Variants in OPCML observed in about 807,000 individuals in gnomAD.
OPCML encodes the protein opioid-binding protein/cell adhesion molecule.
Under a neutral mutation model 37.8 loss-of-function variants are expected in OPCML, and 13 were observed. The observed-to-expected ratio is 0.34, with a 90% CI of 0.22 to 0.55. The LOEUF (loss-of-function observed/expected upper bound fraction) is 0.55. Ranked by LOEUF, OPCML falls within the 20% of genes least tolerant of loss-of-function variation. The probability of loss-of-function intolerance (pLI) is 0.91; values close to 1 mark genes in which losing one functional copy is unlikely to be tolerated. For synonymous variants in OPCML, 176 were observed against 168.8 expected (o/e 1.04, Z -0.33); for missense variants, 341 against 435.6 (o/e 0.78, Z 1.93).
chr11:132,698,023 T>C (rs1943663945), intron 2 of OPCML, among the ~76,000 whole-genome samples: 1 of 110,372 alleles, frequency 9.1e-6, no homozygotes, highest in Non-Finnish European at 1.9e-5. Context: ...TATTTATTTA[T>C]TTATTGTAGA....
chr11:132,818,429 C>G (rs914490909), intron 2 of OPCML, among the ~76,000 whole-genome samples: 10 of 151,914 alleles, frequency 6.6e-5, no homozygotes, highest in Middle Eastern at 3.4e-3. Context: ...AAAAGACTCA[C>G]GATCTAGCGC....
In OPCML at chr11:133,458,255, T is replaced by C. The variant is rs1465429407; in HGVS notation, c.61+74009A>G. 7.7e-4 allele frequency among the ~76,000 whole-genome samples: 64 copies of C among 83,000 alleles called. 4 individuals are homozygous for C. The highest frequency in any genetic ancestry group is 2.7e-3 in the African/African-American group (27 of 9,864). The allele number at this position is 83,000 out of a possible 152,430, so 54.5% of individuals were successfully genotyped here. A position where few individuals can be genotyped will look rare whatever the true frequency, so the allele number is the denominator to read the frequency against. The stretch of plus-strand genomic sequence containing the variant: ...GTGTGTGTATATATACACATATATA[T>C]ACACGTGTGTGTATATATACACACA... On this transcript the variant is annotated intron_variant, in intron 1 of 7. Coordinates refer to ENST00000524381, the MANE Select transcript of OPCML (RefSeq NM_001012393.5).
chr11:132,527,648 T>C (rs1466957934), intron 4 of OPCML, among the ~76,000 whole-genome samples: 1 of 152,208 alleles, frequency 6.6e-6, no homozygotes, highest in Admixed American at 6.5e-5. Flanking sequence ...AAGAAATGTT[T>C]TTATCCAGTC....
chr11:132,727,916 T>C (rs370086152), intron 2 of OPCML, among the ~76,000 whole-genome samples: 2 of 152,296 alleles, frequency 1.3e-5, no homozygotes, highest in East Asian at 3.9e-4. Context: ...TGCACGCAGC[T>C]CTGGGCTTCC....
intron 1 of OPCML, among the ~76,000 whole-genome samples, chr11:133,520,716 T>A (rs1041395093): frequency 6.6e-6 from 1 of 152,148 alleles, no homozygotes; most frequent in Non-Finnish European, 1.5e-5. Flanking sequence ...GAGGCAGGCA[T>A]TATCAGCCAG....
chr11:133,442,335 A>G (rs541846661), intron 1 of OPCML, among the ~76,000 whole-genome samples: 3 of 152,310 alleles, frequency 2.0e-5, no homozygotes, highest in African/African-American at 7.2e-5. Flanking sequence ...ATTCTCAAAT[A>G]TTCTTGGTGG....
intron 1 of OPCML, among the ~76,000 whole-genome samples, chr11:133,015,507 AT>A (rs1947315986): frequency 6.6e-6 from 1 of 151,708 alleles, no homozygotes; most frequent in South Asian, 2.1e-4. Context: ...AAAGAAAGTC[AT>A]TGCACATAAC....
chr11:133,251,208 G>A (rs915169821), intron 1 of OPCML, among the ~76,000 whole-genome samples: 2 of 152,086 alleles, frequency 1.3e-5, no homozygotes, highest in Non-Finnish European at 2.9e-5. Flanking sequence ...ACGACAGTGG[G>A]CTACAACAGA....
intron 1 of OPCML, among the ~76,000 whole-genome samples, chr11:133,497,866 C>T (rs985329366): frequency 4.6e-5 from 7 of 152,318 alleles, no homozygotes; most frequent in Non-Finnish European, 8.8e-5. Flanking sequence ...CCTGGGTCAC[C>T]TCTGAGTCCC....
At chr11:133,530,065 C>A (rs780823575) in intron 1 of OPCML, among the ~76,000 whole-genome samples, 15 of 152,232 alleles carry the variant, frequency 9.9e-5, no homozygotes, top group Non-Finnish European at 1.6e-4. Context: ...GATGTCCACA[C>A]CCTGCTCTCC....
At chr11:132,729,759 C>T (rs757503150) in intron 2 of OPCML, among the ~76,000 whole-genome samples, 3 of 152,172 alleles carry the variant, frequency 2.0e-5, no homozygotes, top group Non-Finnish European at 4.4e-5. Context: ...CAGAAAACAT[C>T]AGACCGCCTT....
intron 3 of OPCML, among the ~76,000 whole-genome samples, chr11:132,637,080 A>C (rs1428506952): frequency 6.6e-6 from 1 of 152,116 alleles, no homozygotes; most frequent in Non-Finnish European, 1.5e-5. Flanking sequence ...GGTCAGGCGC[A>C]TACTACCTAT....
At chr11:133,516,620 C>T (rs1255471495) in intron 1 of OPCML, among the ~76,000 whole-genome samples, 1 of 152,152 alleles carries the variant, frequency 6.6e-6, no homozygotes, top group African/African-American at 2.4e-5. Context: ...GGCAAGGGTG[C>T]TTTCCAGCCT....
In OPCML at chr11:133,205,880, A is replaced by G. The variant is rs1269855551; in HGVS notation, c.62-262870T>C. ...GGGTCAGGTCTTCCTAAGATGTCAG[A>G]GTGCAATGGCAAAGTGGGGGCCAGG... On this transcript the variant is annotated intron_variant, in intron 1 of 7. Transcript: ENST00000524381. This position sits in a 1 kb window ranked among gnomAD's most constrained non-coding sequence, Gnocchi z 4.8. Among the ~76,000 whole-genome samples, 1 of 152,130 alleles carries G rather than the reference A, an allele frequency of 6.6e-6. No homozygotes were observed. Among genetic ancestry groups the G allele is most frequent in the Non-Finnish European group, 1.5e-5 (1 of 68,026 alleles).
intron 4 of OPCML, among the ~76,000 whole-genome samples, chr11:132,471,282 C>A (rs187306279): frequency 2.0e-5 from 3 of 152,282 alleles, no homozygotes; most frequent in African/African-American, 7.2e-5. Flanking sequence ...GATGGTGGGG[C>A]ACAGCCTTCT....
chr11:132,494,422 T>A (rs1183073869), intron 4 of OPCML, among the ~76,000 whole-genome samples: 1 of 152,166 alleles, frequency 6.6e-6, no homozygotes, highest in South Asian at 2.1e-4. Flanking sequence ...ACTGACCTAG[T>A]GTATTTATTT....
intron 2 of OPCML, among the ~76,000 whole-genome samples, chr11:132,883,661 G>T (rs978102860): frequency 6.6e-6 from 1 of 152,192 alleles, no homozygotes; most frequent in African/African-American, 2.4e-5. Flanking sequence ...GCAGGAAGAT[G>T]AGAGGCGATG....
intron 1 of OPCML, among the ~76,000 whole-genome samples, chr11:133,443,255 G>A (rs912380451): frequency 6.6e-6 from 1 of 152,176 alleles, no homozygotes; most frequent in African/African-American, 2.4e-5. Flanking sequence ...TCTTTTATAG[G>A]AAAGCTTCAC....
At chr11:132,699,675 C>A (rs1943733395) in intron 2 of OPCML, among the ~76,000 whole-genome samples, 1 of 152,136 alleles carries the variant, frequency 6.6e-6, no homozygotes, top group East Asian at 1.9e-4. Flanking sequence ...TTGAACCATC[C>A]TTGCATGTTA....
Sources: gnomAD v4.1 joint callset for allele counts (sites outside exome capture counted in the v4.1 genomes callset) on GRCh38, gnomAD v4.1.1 for gene constraint, Gnocchi (gnomAD v3.1) non-coding constraint, MANE v1.5 for transcripts, NCBI Gene and HGNC (gene_info 2026-07-23, HGNC 2026-07-21) for gene names.